INTS8: variants seen among roughly 807,000 people sequenced by gnomAD.
The protein encoded by INTS8 is integrator complex subunit 8.
INTS8 carries 47 observed loss-of-function variants against 138.9 expected under a neutral mutation model. The observed-to-expected ratio is 0.34, with a 90% CI of 0.27 to 0.43. The LOEUF is 0.43. Ranked by LOEUF, INTS8 falls within the 20% of genes least tolerant of loss-of-function variation. The probability of loss-of-function intolerance (pLI) is 1.00; values close to 1 mark genes in which losing one functional copy is unlikely to be tolerated. For missense variants in INTS8, 996 were observed against 1,173.0 expected (o/e 0.85, Z 2.20); for synonymous variants, 392 against 400.9 (o/e 0.98, Z 0.27).
intron 6 of INTS8, 79 bp from the exon 7 acceptor site, chr8:94,836,445 G>C: frequency 9.5e-7 from 1 of 1,056,358 alleles, no homozygotes; most frequent in Non-Finnish European, 1.4e-6. Context: ...GTTTTCGTGA[G>C]ATAAAGACAG....
At chr8:94,859,399 C>T (rs1006056283) in intron 15 of INTS8, 112 bp from the exon 16 acceptor site, 63 of 1,038,266 alleles carry the variant, frequency 6.1e-5, no homozygotes, top group Non-Finnish European at 5.6e-6. Context: ...CAGGTGTGAG[C>T]CACCATACCC....
chr8:94,851,443 G>T (rs551926247), intron 12 of INTS8, 110 bp from the exon 13 acceptor site: 84 of 679,802 alleles, frequency 1.2e-4, no homozygotes, highest in Non-Finnish European at 1.3e-4. Flanking sequence ...TTCTCAAGAT[G>T]ATAGCAGCTT....
chr8:94,863,950 C>G (rs1031481601), intron 16 of INTS8, among the ~76,000 whole-genome samples: 2 of 152,088 alleles, frequency 1.3e-5, no homozygotes, highest in Non-Finnish European at 2.9e-5. Context: ...TTCTCACGAG[C>G]TTCGGAAAGC....
intron 5 of INTS8, among the ~76,000 whole-genome samples, chr8:94,830,424 G>A (rs1487602257): frequency 6.6e-6 from 1 of 152,198 alleles, no homozygotes; most frequent in Non-Finnish European, 1.5e-5. Flanking sequence ...TTTCATTGTT[G>A]TTATCTAGTT....
chr8:94,847,760 G>A (rs1265310395), intron 10 of INTS8, among the ~76,000 whole-genome samples: 4 of 152,024 alleles, frequency 2.6e-5, no homozygotes, highest in Non-Finnish European at 2.9e-5. Flanking sequence ...TTGCTTATTA[G>A]AAGTTACATG....
intron 16 of INTS8, among the ~76,000 whole-genome samples, chr8:94,863,365 A>G (rs981956927): frequency 1.3e-5 from 2 of 152,222 alleles, no homozygotes; most frequent in African/African-American, 4.8e-5. Context: ...TGTTTGTCAC[A>G]TTAGCCAGGA....
At chr8:94,849,385 T>C in intron 10 of INTS8, 77 bp from the exon 11 acceptor site, 1 of 820,368 alleles carries the variant, frequency 1.2e-6, no homozygotes, top group East Asian at 2.5e-5. Flanking sequence ...CAGTTGTTTT[T>C]AAATCCAGCC....
In INTS8 at chr8:94,838,612, C is replaced by CT; in HGVS notation, c.1012dup (p.Tyr338LeufsTer10). ...TCCATATTTGTTTGAGATCTGGCAA[C>CT]TATCAGGTAAGGTGTATGAGGGGGA... is the stretch of plus-strand genomic sequence containing the variant. On this transcript the variant is annotated frameshift_variant, in exon 8 of 27. Transcript: ENST00000523731. LOFTEE classifies it high-confidence loss of function. 6.2e-7 allele frequency: 1 copy of CT among 1,612,510 alleles called. No individual in the cohort carries two copies.
Position 94,824,717 on chromosome 8 carries a change from G to A in INTS8, c.131-176G>A, listed in dbSNP as rs1323228501. ...ACCCCCAGGCACACTTCTTACATAC[G>A]TATTCCTTAGTCATTTTAACAGCGC... On this transcript the variant is annotated intron_variant, in intron 1 of 26. Coordinates refer to ENST00000523731, the MANE Select transcript of INTS8 (RefSeq NM_017864.4). Among the ~76,000 whole-genome samples the A allele has an allele frequency of 3.6e-5, 5 of 139,556 alleles. No homozygotes were observed. In the East Asian group the frequency reaches 8.5e-4, roughly 24 times the overall value. 91.6% of individuals were successfully genotyped at this position (139,556 alleles called of 152,430 possible).
intron 5 of INTS8, among the ~76,000 whole-genome samples, chr8:94,831,615 G>A (rs1229518205): frequency 1.3e-5 from 2 of 151,544 alleles, no homozygotes; most frequent in East Asian, 3.9e-4. Flanking sequence ...CTGAGTAGCT[G>A]GGATTACAGG....
intron 21 of INTS8, among the ~76,000 whole-genome samples, chr8:94,872,994 T>C (rs1368495825): frequency 2.0e-5 from 3 of 152,190 alleles, no homozygotes; most frequent in Non-Finnish European, 4.4e-5. Context: ...ATCATTCCTC[T>C]CTCCTCTGGA....
chr8:94,827,368 G>A lies in INTS8; in HGVS notation c.411G>A (p.Pro137=), dbSNP rs1249774773. 9.9e-6 allele frequency: 16 copies of A among 1,613,950 alleles called. No homozygotes were observed. Among genetic ancestry groups the A allele is most frequent in the African/African-American group, 6.7e-5 (5 of 74,916 alleles). Reference sequence around the variant, plus strand: ...ACATGGATCTGGCCACTTTACCTCCGACCACTGCCATGGCTGTACTTCTCT... The same window carrying A: ...ACATGGATCTGGCCACTTTACCTCCAACCACTGCCATGGCTGTACTTCTCT... ...HVDMDLATLP[P]TTAMAVLLYN... is the part of the protein sequence containing the mutation. Residue 137 remains proline, a synonymous_variant, in exon 3 of 27, where the codon CCG becomes CCA. Transcript: ENST00000523731.
chr8:94,862,138 C>T (rs1406140526), intron 16 of INTS8, among the ~76,000 whole-genome samples: 3 of 150,768 alleles, frequency 2.0e-5, no homozygotes, highest in Non-Finnish European at 4.4e-5. Flanking sequence ...TTAATAGAGA[C>T]GGGGTTTTGC....
At position 94,827,660 on chromosome 8, in the gene INTS8, A is replaced by C. The variant is rs1586464283; in HGVS notation, c.447-62A>C. On this transcript the variant is annotated intron_variant, in intron 3 of 26. Transcript: ENST00000523731. ...TTTATACAAACCTAAGGAGTACTTG[A>C]AAAAATAATTGAGATGACATTTATA... The C allele has an allele frequency of 1.4e-5, 20 of 1,408,588 alleles. No homozygotes were observed. In the East Asian group the frequency reaches 4.3e-4, roughly 30 times the overall value. The allele number at this position is 1,408,588 out of a possible 1,614,324, so 87.3% of individuals were successfully genotyped here. A position where few individuals can be genotyped will look rare whatever the true frequency, so the allele number is the denominator to read the frequency against.
chr8:94,876,130 T>C lies in INTS8; in HGVS notation c.2745T>C (p.Ser915=), dbSNP rs1268070861. The C allele has an allele frequency of 1.2e-6, 2 of 1,611,348 alleles. No individual in the cohort carries two copies. Among genetic ancestry groups the C allele is most frequent in the African/African-American group, 1.3e-5 (1 of 74,862 alleles). Residue 915 remains serine (S), a synonymous_variant, in exon 24 of 27, where the codon TCT becomes TCC. Transcript: ENST00000523731. ...TTGACTACAAAACAGCGTTTAAATC[T>C]CTGCAAGAACAAAACAGGTATGAAT... ...REIDYKTAFK[S]LQEQNSHDAM...
At chr8:94,860,204 A>C (rs1815901770) in intron 16 of INTS8, 1 of 152,190 alleles carries the variant, frequency 6.6e-6, no homozygotes, top group African/African-American at 2.4e-5. Context: ...GTTTTTTCTA[A>C]GATTATATCT....
At chr8:94,846,521 G>T (rs1308930233) in intron 10 of INTS8, among the ~76,000 whole-genome samples, 2 of 152,108 alleles carry the variant, frequency 1.3e-5, no homozygotes, top group Non-Finnish European at 2.9e-5. Flanking sequence ...CGATCCACCC[G>T]CCTCAGCCTC....
chr8:94,849,074 CTT>C (rs1434436613), intron 10 of INTS8, among the ~76,000 whole-genome samples: 1 of 151,938 alleles, frequency 6.6e-6, no homozygotes, highest in Non-Finnish European at 1.5e-5. Context: ...ATCACTTACT[CTT>C]TTCAATTATT....
At chr8:94,868,668 C>CTCTTT (rs1326482048) in intron 20 of INTS8, 1 of 149,302 alleles carries the variant, frequency 6.7e-6, no homozygotes, top group Non-Finnish European at 1.5e-5. Context: ...CTTTTCTTTT[C>CTCTTT]TCTTTTCTTT....
Sources: gnomAD v4.1 joint callset for allele counts (sites outside exome capture counted in the v4.1 genomes callset) on GRCh38, gnomAD v4.1.1 for gene constraint, MANE v1.5 for transcripts, NCBI Gene and HGNC (gene_info 2026-07-23, HGNC 2026-07-21) for gene names.